Variants in GPHN observed in about 807,000 individuals in gnomAD.
GPHN encodes the protein gephyrin.
A neutral mutation model predicts 95.5 loss-of-function variants in GPHN; 17 were observed. The ratio of observed to expected loss-of-function variants is 0.18; its 90% CI spans 0.12 to 0.27. GPHN has a LOEUF of 0.27. Ranked by LOEUF, GPHN falls within the 10% of genes least tolerant of loss-of-function variation. The pLI is 1.00. For synonymous variants in GPHN, 320 were observed against 322.5 expected (o/e 0.99, Z 0.08); for missense variants, 660 against 978.1 (o/e 0.67, Z 4.34).
chr14:67,659,209 C>T, the GPHN span, among the ~76,000 whole-genome samples: 4 of 152,188 alleles, frequency 2.6e-5, no homozygotes, highest in Admixed American at 2.0e-4. Flanking sequence ...AGCTCCTTCT[C>T]GAGAAGCGCC....
At chr14:66,844,032 T>C (rs1031882929) in intron 4 of GPHN, among the ~76,000 whole-genome samples, 27 of 152,010 alleles carry the variant, frequency 1.8e-4, no homozygotes, top group Non-Finnish European at 3.7e-4. Flanking sequence ...GACCAGAAGA[T>C]TTTTTTGCAA....
intron 18 of GPHN, among the ~76,000 whole-genome samples, chr14:67,144,040 C>A (rs1019994175): frequency 2.0e-5 from 3 of 150,450 alleles, no homozygotes; most frequent in African/African-American, 7.3e-5. Context: ...AGTTCAAGAC[C>A]ACCTGGGCGA....
intron 1 of GPHN, among the ~76,000 whole-genome samples, chr14:66,679,179 A>C (rs1008357048): frequency 1.3e-4 from 20 of 152,372 alleles, no homozygotes; most frequent in Non-Finnish European, 2.4e-4. Context: ...GGTGGCACAC[A>C]TGGGTGCCTT....
At chr14:66,858,759 A>G (rs902326643) in intron 4 of GPHN, among the ~76,000 whole-genome samples, 7 of 152,096 alleles carry the variant, frequency 4.6e-5, no homozygotes, top group African/African-American at 1.4e-4. Context: ...GCCCTGGGCC[A>G]CAGGGGAGTC....
chr14:66,864,229 G>C (rs2063143748), intron 4 of GPHN, among the ~76,000 whole-genome samples: 1 of 152,114 alleles, frequency 6.6e-6, no homozygotes, highest in Non-Finnish European at 1.5e-5. Context: ...CAGCATCATT[G>C]ATTATCAGAG....
At chr14:67,061,377 A>G (rs1419380204) in intron 11 of GPHN, among the ~76,000 whole-genome samples, 10 of 152,050 alleles carry the variant, frequency 6.6e-5, no homozygotes, top group Non-Finnish European at 1.5e-5. Flanking sequence ...CAATTGTTAT[A>G]GGCTCCCCTC....
the GPHN span, among the ~76,000 whole-genome samples, chr14:67,633,876 G>C: frequency 6.6e-6 from 1 of 152,176 alleles, no homozygotes; most frequent in African/African-American, 2.4e-5. Flanking sequence ...TCCAGACTCA[G>C]ATATTGCTGC....
intron 8 of GPHN, among the ~76,000 whole-genome samples, chr14:66,947,671 T>G (rs2067845456): frequency 6.6e-6 from 1 of 152,200 alleles, no homozygotes; most frequent in South Asian, 2.1e-4. Context: ...TAAGAATTGT[T>G]CCATGGCCAG....
intron 1 of GPHN, among the ~76,000 whole-genome samples, chr14:66,600,202 T>C (rs975916193): frequency 7.9e-5 from 12 of 152,204 alleles, no homozygotes; most frequent in African/African-American, 2.9e-4. Context: ...GTTATATATC[T>C]GTTATATAAA....
chr14:67,464,687 T>C, the GPHN span, among the ~76,000 whole-genome samples: 85,398 of 152,178 alleles, frequency 0.56, 27,056 homozygotes, highest in African/African-American at 0.88. Context: ...GCATCTCTTC[T>C]GGCAGACCTT....
the GPHN span, chr14:67,572,139 C>T: frequency 1.9e-6 from 3 of 1,606,160 alleles, no homozygotes; most frequent in Non-Finnish European, 2.5e-6. Flanking sequence ...GGCAAGGCGT[C>T]TCCATGTCCT....
At chr14:67,365,615 A>G in the GPHN span, among the ~76,000 whole-genome samples, 3 of 152,230 alleles carry the variant, frequency 2.0e-5, no homozygotes, top group African/African-American at 7.2e-5. Context: ...CCCCATGTAA[A>G]TCATCACCTT....
chr14:66,969,160 C>T (rs2069561690), intron 9 of GPHN: 3 of 152,092 alleles, frequency 2.0e-5, no homozygotes, highest in South Asian at 2.1e-4. Flanking sequence ...AAAGTCATTT[C>T]TCTTTTATAT....
chr14:67,365,439 A>G, the GPHN span, among the ~76,000 whole-genome samples: 1 of 152,248 alleles, frequency 6.6e-6, no homozygotes, highest in African/African-American at 2.4e-5. Flanking sequence ...GATCTTTTAT[A>G]TAAGCTTTGA....
intron 5 of GPHN, among the ~76,000 whole-genome samples, chr14:66,889,097 A>G (rs1455281234): frequency 6.6e-6 from 1 of 152,158 alleles, no homozygotes; most frequent in African/African-American, 2.4e-5. Context: ...AAATAGATGA[A>G]GCAAAAATGG....
intron 1 of GPHN, among the ~76,000 whole-genome samples, chr14:66,512,322 G>C (rs2058069512): frequency 6.6e-6 from 1 of 151,778 alleles, no homozygotes; most frequent in Non-Finnish European, 1.5e-5. Flanking sequence ...ACCTGTAAAA[G>C]CTCTACAGAA....
At chr14:67,170,545 C>G (rs753300901) in intron 21 of GPHN, among the ~76,000 whole-genome samples, 9 of 152,222 alleles carry the variant, frequency 5.9e-5, no homozygotes, top group Non-Finnish European at 1.2e-4. Flanking sequence ...CATCCACCAT[C>G]TCTTCTTTAA....
chr14:67,246,500 A>G, the GPHN span, among the ~76,000 whole-genome samples: 5 of 151,538 alleles, frequency 3.3e-5, no homozygotes, highest in South Asian at 1.0e-3. Flanking sequence ...CCACCATGCC[A>G]GGCCGATTTT....
chr14:66,990,189 C>G lies in GPHN; in HGVS notation c.963+24864C>G, dbSNP rs80207231. On this transcript the variant is annotated intron_variant, in intron 9 of 22. Coordinates refer to ENST00000478722, the MANE Select transcript of GPHN (RefSeq NM_020806.5). ...AAAACCATCAGATCTAGTGAGAACT[C>G]CCTCACTATTTACAAGAACAGCATG... Among the ~76,000 whole-genome samples the G allele has an allele frequency of 2.6e-5, 4 of 152,004 alleles. No homozygotes were observed. In the East Asian group the frequency reaches 7.7e-4, roughly 29 times the overall value.
Sources: allele counts gnomAD v4.1 joint callset (sites outside exome capture counted in the v4.1 genomes callset), GRCh38; gene constraint gnomAD v4.1.1; transcripts MANE v1.5; gene names NCBI Gene and HGNC (gene_info 2026-07-23, HGNC 2026-07-21).